SLC25A14: variants seen among roughly 807,000 people sequenced by gnomAD.
SLC25A14 encodes brain mitochondrial carrier protein 1.
SLC25A14 carries 8 observed loss-of-function variants against 28.1 expected under a neutral mutation model. That is an observed-to-expected ratio of 0.28 (90% confidence interval 0.17 to 0.51). The LOEUF is 0.51. SLC25A14 is among the 20% of genes least tolerant of loss of function. The pLI, the probability that SLC25A14 is intolerant of heterozygous loss-of-function variation, is 0.97. For missense variants in SLC25A14, 135 were observed against 263.8 expected, an observed-to-expected ratio of 0.51 and a Z score of 3.38; for synonymous variants, 74 against 90.6, an observed-to-expected ratio of 0.82 and a Z score of 1.04.
At chrX:130,350,042 C>T (rs762552230) in intron 5 of SLC25A14, among the ~76,000 whole-genome samples, 26 of 111,198 alleles carry the variant, frequency 2.3e-4, no homozygotes, top group African/African-American at 8.2e-4. Context: ...TGTGAAGGAG[C>T]GGTAAAGATT....
Position 130,373,114 on chromosome X carries a change from G to A in SLC25A14, c.*164G>A, listed in dbSNP as rs2034304806. 2.4e-6 allele frequency: 1 copy of A among 421,854 alleles called. No individual in the cohort carries two copies. The highest frequency in any genetic ancestry group is 4.1e-5 in the East Asian group (1 of 24,115). 34.8% of individuals were successfully genotyped at this position (421,854 alleles called of 1,213,427 possible). A position where few individuals can be genotyped will look rare whatever the true frequency, so the allele number is the denominator to read the frequency against. Reference sequence around the variant, plus strand: ...TGGGGTGGTTCAAAGTTATTTCTATGTTTGTGTTACCATGTTAACTTTTCC... The same window carrying A: ...TGGGGTGGTTCAAAGTTATTTCTATATTTGTGTTACCATGTTAACTTTTCC... On this transcript the variant is annotated 3_prime_UTR_variant, in exon 11 of 11. Coordinates refer to ENST00000545805, the MANE Select transcript of SLC25A14 (RefSeq NM_001282195.2).
At chrX:130,349,187 A>G in intron 4 of SLC25A14, 64 bp from the exon 5 acceptor site, 3 of 679,187 alleles carry the variant, frequency 4.4e-6, no homozygotes, top group Non-Finnish European at 6.6e-6. Context: ...CCAAATAAGT[A>G]GGCTATCTAG....
At chrX:130,362,655 A>G (rs973973009) in intron 7 of SLC25A14, among the ~76,000 whole-genome samples, 1 of 112,293 alleles carries the variant, frequency 8.9e-6, no homozygotes, top group Non-Finnish European at 1.9e-5. Context: ...AATACTATAT[A>G]TAATTTTATG....
chrX:130,350,927 A>G (rs950482453), intron 6 of SLC25A14, among the ~76,000 whole-genome samples, 196 bp downstream of exon 6: 2 of 111,806 alleles, frequency 1.8e-5, no homozygotes, highest in Non-Finnish European at 3.8e-5. Context: ...GCGATAATAT[A>G]TATATAAACT....
At chrX:130,362,197 C>T (rs1862598796) in intron 7 of SLC25A14, among the ~76,000 whole-genome samples, 2 of 107,930 alleles carry the variant, frequency 1.9e-5, no homozygotes, top group Admixed American at 1.0e-4. Flanking sequence ...AGTGCAGTGG[C>T]GCGATCTCGG....
At position 130,345,217 on chromosome X, in the gene SLC25A14, T is replaced by G. The variant is rs778640263; in HGVS notation, c.111T>G (p.Ser37=). ...GTACCACTGTAAGTCATGAGATGTC[T>G]GGTCTGAATTGGAAACCCTTTGTAT... ...QKSTTVSHEM[S]GLNWKPFVYG... Residue 37 remains serine, a synonymous_variant, in exon 3 of 11, where the codon TCT becomes TCG. Transcript: ENST00000545805. 2 of 1,203,143 alleles carry G rather than the reference T, an allele frequency of 1.7e-6. No homozygotes were observed. The highest frequency in any genetic ancestry group is 2.3e-6 in the Non-Finnish European group (2 of 888,740).
At position 130,372,965 on chromosome X, in the gene SLC25A14, G is replaced by A. The variant is rs757181010; in HGVS notation, c.*15G>A. On this transcript the variant is annotated 3_prime_UTR_variant, in exon 11 of 11. Transcript: ENST00000545805. The stretch of plus-strand genomic sequence containing the variant: ...TTCAAATCTAAGAACTGAATTATAT[G>A]TGAGCCCAGCCCTGCCAGCCTTTCT... 1 of 1,149,708 alleles carries A rather than the reference G, an allele frequency of 8.7e-7. No individual in the cohort carries two copies. Among genetic ancestry groups the A allele is most frequent in the East Asian group, 3.0e-5 (1 of 33,004 alleles). The allele number at this position is 1,149,708 out of a possible 1,213,427, so 94.7% of individuals were successfully genotyped here. A position where few individuals can be genotyped will look rare whatever the true frequency, so the allele number is the denominator to read the frequency against.
chrX:130,345,999 G>A (rs904271676), intron 3 of SLC25A14, among the ~76,000 whole-genome samples: 10 of 111,723 alleles, frequency 9.0e-5, no homozygotes, highest in Non-Finnish European at 1.9e-4. Flanking sequence ...ACCAGGATGA[G>A]TAGAACCAAA....
chrX:130,359,335 A>C (rs2033894263), intron 7 of SLC25A14, among the ~76,000 whole-genome samples: 1 of 93,610 alleles, frequency 1.1e-5, no homozygotes, highest in Non-Finnish European at 2.1e-5. Context: ...CCTAGGTGAC[A>C]GGGCGAGACT....
chrX:130,355,208 T>A (rs1303737257), intron 6 of SLC25A14, among the ~76,000 whole-genome samples: 1 of 112,094 alleles, frequency 8.9e-6, no homozygotes, highest in Non-Finnish European at 1.9e-5. Context: ...CACTGAAGCA[T>A]TCTGACAAAG....
In SLC25A14 at chrX:130,371,656, G is replaced by T. The variant is rs1242975707; in HGVS notation, c.936+12G>T. The T allele has an allele frequency of 1.8e-6, 2 of 1,141,522 alleles. No individual in the cohort carries two copies. The highest frequency in any genetic ancestry group is 3.6e-5 in the South Asian group (2 of 54,953). The allele number at this position is 1,141,522 out of a possible 1,213,427, so 94.1% of individuals were successfully genotyped here. ...CCTGGAACATCATTGTATCCTTTGA[G>T]AGAATGAAAGCAAGTGCTTCAAGCT... On this transcript the variant is annotated intron_variant, in intron 10 of 10. Coordinates refer to ENST00000545805, the MANE Select transcript of SLC25A14 (RefSeq NM_001282195.2).
intron 9 of SLC25A14, among the ~76,000 whole-genome samples, chrX:130,368,228 G>A (rs971546911): frequency 8.9e-6 from 1 of 112,448 alleles, no homozygotes; most frequent in African/African-American, 3.2e-5. Context: ...ATGCAATAGC[G>A]ATCTAATATG....
chrX:130,345,336 G>A (rs1336507065), intron 3 of SLC25A14, 61 bp downstream of exon 3: 1 of 706,573 alleles, frequency 1.4e-6, no homozygotes, highest in African/African-American at 2.2e-5. Flanking sequence ...TTATGATGAT[G>A]GTTATTTTTG....
intron 6 of SLC25A14, among the ~76,000 whole-genome samples, chrX:130,351,991 C>G (rs2033633623): frequency 9.0e-6 from 1 of 111,049 alleles, no homozygotes; most frequent in South Asian, 3.8e-4. Flanking sequence ...GTATGATGCT[C>G]AGGTTTGGGA....
In SLC25A14 at chrX:130,339,975, A is replaced by T; in HGVS notation, c.-174A>T. On this transcript the variant is annotated splice_region_variant and 5_prime_UTR_variant, in exon 1 of 11. Coordinates refer to ENST00000545805, the MANE Select transcript of SLC25A14 (RefSeq NM_001282195.2). Reference sequence around the variant, plus strand: ...TCCCAGTCGTCCGATGAGCCCGAGCAGGTGAGGGGGAGCTCCTGGACTTCC... The same window carrying T: ...TCCCAGTCGTCCGATGAGCCCGAGCTGGTGAGGGGGAGCTCCTGGACTTCC... The T allele has an allele frequency of 1.1e-6, 1 of 885,315 alleles. No homozygotes were observed. Among genetic ancestry groups the T allele is most frequent in the Non-Finnish European group, 1.4e-6 (1 of 723,987 alleles). The allele number at this position is 885,315 out of a possible 1,213,427, so 73.0% of individuals were successfully genotyped here. A position where few individuals can be genotyped will look rare whatever the true frequency, so the allele number is the denominator to read the frequency against.
intron 2 of SLC25A14, among the ~76,000 whole-genome samples, chrX:130,344,616 G>A (rs1226856735): frequency 1.8e-5 from 2 of 111,822 alleles, no homozygotes; most frequent in African/African-American, 6.5e-5. Flanking sequence ...TCCTTTGGGC[G>A]CTAGAAGGAA....
In SLC25A14 at chrX:130,345,117, T is replaced by C. The variant is rs189348525; in HGVS notation, c.76-65T>C. ...TTGCCAATTTTGTTTATCTAAATTATATGATCAGATGCTAACAAATGCTCC... is the reference window on the plus strand; with the variant it reads ...TTGCCAATTTTGTTTATCTAAATTACATGATCAGATGCTAACAAATGCTCC... On this transcript the variant is annotated intron_variant, in intron 2 of 10. Coordinates refer to ENST00000545805, the MANE Select transcript of SLC25A14 (RefSeq NM_001282195.2). 46 of 761,055 alleles carry C rather than the reference T, an allele frequency of 6.0e-5. No homozygotes were observed. The African/African-American group carries it at 9.0e-4, about 15-fold the overall frequency. 62.7% of individuals were successfully genotyped at this position (761,055 alleles called of 1,213,427 possible). A position where few individuals can be genotyped will look rare whatever the true frequency, so the allele number is the denominator to read the frequency against.
In SLC25A14 at chrX:130,340,312, C is replaced by T. The variant is rs1296782628; in HGVS notation, c.34C>T (p.Leu12=). Residue 12 remains leucine, a synonymous_variant, in exon 2 of 11, where the codon CTA becomes TTA. Coordinates refer to ENST00000545805, the MANE Select transcript of SLC25A14 (RefSeq NM_001282195.2). The stretch of plus-strand genomic sequence containing the variant: ...CTTTCCCGGAATAATCCTAATTTTT[C>T]TAAGGGTGAAGTTTGCAACGGCGGC... ...GIFPGIILIF[L]RVKFATAAVI... is the part of the protein sequence containing the mutation. The T allele has an allele frequency of 8.3e-7, 1 of 1,211,315 alleles. No individual in the cohort carries two copies. The highest frequency in any genetic ancestry group is 1.1e-6 in the Non-Finnish European group (1 of 895,115).
intron 4 of SLC25A14, among the ~76,000 whole-genome samples, 154 bp downstream of exon 4, chrX:130,346,845 G>T (rs2033457157): frequency 9.0e-6 from 1 of 111,316 alleles, no homozygotes; most frequent in Non-Finnish European, 1.9e-5. Flanking sequence ...CTGCTTGTAA[G>T]TCTTGAGCTT....
Sources: allele counts gnomAD v4.1 joint callset (sites outside exome capture counted in the v4.1 genomes callset), GRCh38; gene constraint gnomAD v4.1.1; transcripts MANE v1.5; gene names NCBI Gene and HGNC (gene_info 2026-07-23, HGNC 2026-07-21).